CMYA5: variants seen among roughly 807,000 people sequenced by gnomAD.
CMYA5 encodes the protein cardiomyopathy associated 5, also known as cardiomyopathy-associated protein 5.
CMYA5 carries 246 observed loss-of-function variants against 318.9 expected under a neutral mutation model. That is an observed-to-expected ratio of 0.77 (90% CI 0.70 to 0.86). CMYA5 has a LOEUF of 0.86. Ranked by LOEUF, CMYA5 falls within the 40% of genes least tolerant of loss-of-function variation. The pLI is 0.00. For missense variants in CMYA5, 4,589 were observed against 4,678.2 expected (o/e 0.98, Z 0.56); for synonymous variants, 1,641 against 1,729.5 (o/e 0.95, Z 1.27).
Position 79,738,504 on chromosome 5 carries a change from A to C in CMYA5, c.9739A>C (p.Ile3247Leu). The C allele has an allele frequency of 6.2e-7, 1 of 1,613,470 alleles. No individual in the cohort carries two copies. Among genetic ancestry groups the C allele is most frequent in the African/African-American group, 1.3e-5 (1 of 75,042 alleles). ...TGAGAAGTACATACTCAAAGATGAC[A>C]TTCTCCATGACACATCTCTAACTCA... ...YFEKYILKDD[I>L]LHDTSLTQKD... The change falls in exon 2 of 13, where the codon ATT becomes CTT. Residue 3247 changes from isoleucine (I) to leucine (L), a missense_variant. Coordinates refer to ENST00000446378, the MANE Select transcript of CMYA5 (RefSeq NM_153610.5).
intron 10 of CMYA5, 100 bp downstream of exon 10, chr5:79,789,204 C>A: frequency 3.0e-6 from 4 of 1,353,104 alleles, no homozygotes; most frequent in Non-Finnish European, 4.0e-6. Context: ...AAACTCCCAA[C>A]CTACTGTCAG....
intron 1 of CMYA5, among the ~76,000 whole-genome samples, chr5:79,712,275 G>A (rs372711242): frequency 2.1e-4 from 32 of 152,202 alleles, no homozygotes; most frequent in Non-Finnish European, 3.5e-4. Context: ...AGTGTGGTGC[G>A]TGATCTCGGC....
chr5:79,691,992 C>T (rs1826978070), intron 1 of CMYA5, among the ~76,000 whole-genome samples: 1 of 152,186 alleles, frequency 6.6e-6, no homozygotes, highest in Non-Finnish European at 1.5e-5. Flanking sequence ...AAGTTATTCT[C>T]TTAAGACTTG....
rs111395170 is a variant in CMYA5, at chr5:79,712,316, C to A, written c.150-16599C>A. ...GCAACCTTAGTCTCCCAGATTCAAG[C>A]GATTCTTCTGCCTCAGCCTCCCAAG... On this transcript the variant is annotated intron_variant, in intron 1 of 12. Transcript: ENST00000446378. Among the ~76,000 whole-genome samples the A allele has an allele frequency of 2.0e-5, 3 of 152,164 alleles. No homozygotes were observed. In the South Asian group the frequency reaches 6.2e-4, roughly 32 times the overall value.
At chr5:79,787,375 A>G (rs879798076) in intron 9 of CMYA5, among the ~76,000 whole-genome samples, 1 of 152,256 alleles carries the variant, frequency 6.6e-6, no homozygotes, top group Non-Finnish European at 1.5e-5. Context: ...GTTACTAATT[A>G]TAATTAATGT....
intron 1 of CMYA5, among the ~76,000 whole-genome samples, chr5:79,720,782 A>G (rs183577533): frequency 8.8e-4 from 134 of 152,278 alleles, no homozygotes; most frequent in African/African-American, 3.1e-3. Context: ...AAGAATGAAA[A>G]TGTAAAAAGA....
At chr5:79,798,960 A>C (rs1176890651) in intron 12 of CMYA5, among the ~76,000 whole-genome samples, 1 of 152,252 alleles carries the variant, frequency 6.6e-6, no homozygotes, top group East Asian at 1.9e-4. Context: ...CTGTAAAATT[A>C]ATACATTGTA....
At chr5:79,696,241 C>T (rs916394135) in intron 1 of CMYA5, among the ~76,000 whole-genome samples, 5 of 152,214 alleles carry the variant, frequency 3.3e-5, no homozygotes, top group Non-Finnish European at 7.3e-5. Flanking sequence ...TGTCTGCAGT[C>T]ATCAGTGCCG....
intron 9 of CMYA5, among the ~76,000 whole-genome samples, chr5:79,770,676 T>G (rs1453909511): frequency 6.6e-6 from 1 of 152,098 alleles, no homozygotes; most frequent in Non-Finnish European, 1.5e-5. Flanking sequence ...CCTTCTACAT[T>G]GATCTCGCTG....
At chr5:79,723,455 A>AG (rs1284383193) in intron 1 of CMYA5, among the ~76,000 whole-genome samples, 4 of 150,600 alleles carry the variant, frequency 2.7e-5, no homozygotes, top group Admixed American at 2.0e-4. Flanking sequence ...AAAAAAAAAA[A>AG]AAAAGAAAAG....
rs755319582 is a variant in CMYA5, at chr5:79,731,953, A to G, written c.3188A>G (p.Lys1063Arg). Reference protein sequence around the residue: ...PVSEQFSSSQKQKAETFPLMS... With the variant: ...PVSEQFSSSQRQKAETFPLMS... ...TCTGAGCAGTTCAGTTCATCACAGA[A>G]GCAAAAAGCTGAAACTTTCCCTTTG... The change falls in exon 2 of 13, where the codon AAG becomes AGG. Residue 1063 changes from lysine (K) to arginine (R), a missense_variant. This residue lies in a region of CMYA5 where 2,132 missense variants were observed against 2,131.3 expected (regional missense o/e 1.00). Transcript: ENST00000446378. 9 of 1,613,274 alleles carry G rather than the reference A, an allele frequency of 5.6e-6. No homozygotes were observed. The Admixed American group carries it at 1.5e-4, about 27-fold the overall frequency.
At chr5:79,788,633 T>A (rs1477822320) in intron 9 of CMYA5, among the ~76,000 whole-genome samples, 1 of 152,170 alleles carries the variant, frequency 6.6e-6, no homozygotes, top group Non-Finnish European at 1.5e-5. Flanking sequence ...ATCATCTTAA[T>A]CCAAAAGTGC....
At chr5:79,758,637 C>CT (rs1828580894) in intron 6 of CMYA5, 116 bp from the exon 7 acceptor site, 5 of 724,154 alleles carry the variant, frequency 6.9e-6, no homozygotes, top group Non-Finnish European at 9.9e-6. Flanking sequence ...AGCCCTTCTA[C>CT]TTTTATACTA....
chr5:79,757,528 T>C (rs896948587), intron 6 of CMYA5, among the ~76,000 whole-genome samples: 1 of 152,202 alleles, frequency 6.6e-6, no homozygotes, highest in African/African-American at 2.4e-5. Context: ...ATTAAAAAAA[T>C]TGATAGGGCT....
intron 9 of CMYA5, among the ~76,000 whole-genome samples, chr5:79,777,389 A>G (rs4621545): frequency 0.084 from 12,827 of 152,144 alleles, 1,285 homozygotes; most frequent in African/African-American, 0.24. Context: ...GTAGCATACT[A>G]TATATGTTTC....
rs1342845856 is a variant in CMYA5 at position 79,800,050 on chromosome 5, A to G, written c.*434A>G. 1 of 157,462 alleles carries G rather than the reference A, an allele frequency of 6.4e-6. No homozygotes were observed. Among genetic ancestry groups the G allele is most frequent in the African/African-American group, 2.4e-5 (1 of 41,508 alleles). The allele number at this position is 157,462 out of a possible 1,614,324, so 9.8% of individuals were successfully genotyped here. On this transcript the variant is annotated 3_prime_UTR_variant, in exon 13 of 13. Transcript: ENST00000446378. ...TGTCACCTCGCTGCACTAAAGGATG[A>G]TGAATCCTAATCATTAAAGGAATTG...
In CMYA5 at chr5:79,762,861, C is replaced by T. The variant is rs750037604; in HGVS notation, c.11408-201C>T. 59 of 575,706 alleles carry T rather than the reference C, an allele frequency of 1.0e-4. 1 individual carries two copies. Among genetic ancestry groups the T allele is most frequent in the Admixed American group, 3.0e-4 (9 of 30,028 alleles). The allele number at this position is 575,706 out of a possible 1,614,324, so 35.7% of individuals were successfully genotyped here. A position where few individuals can be genotyped will look rare whatever the true frequency, so the allele number is the denominator to read the frequency against. ...GGGGCTGTTTGGGGATGGGTGAGAA[C>T]TGGGCAATGTGGAAGGCAGAGAAGG... is the stretch of plus-strand genomic sequence containing the variant. On this transcript the variant is annotated intron_variant, in intron 8 of 12. Transcript: ENST00000446378.
At position 79,731,216 on chromosome 5, in the gene CMYA5, T is replaced by A; in HGVS notation, c.2451T>A (p.Asn817Lys). 1 of 1,613,986 alleles carries A rather than the reference T, an allele frequency of 6.2e-7. No homozygotes were observed. The change falls in exon 2 of 13, where the codon AAT (asparagine) becomes AAA (lysine). Residue 817 changes from asparagine to lysine, a missense_variant. Asn to Lys is a moderately conservative substitution (Grantham distance 94). Coordinates refer to ENST00000446378, the MANE Select transcript of CMYA5 (RefSeq NM_153610.5). ...ATQESQKKII[N>K]EASQFKPKGI... ...AGGAATCTCAAAAGAAAATAATCAA[T>A]GAGGCATCCCAATTCAAACCAAAAG... is the stretch of plus-strand genomic sequence containing the variant.
intron 4 of CMYA5, 111 bp from the exon 5 acceptor site, chr5:79,746,980 A>G (rs1406188494): frequency 2.9e-6 from 2 of 694,718 alleles, no homozygotes; most frequent in African/African-American, 1.8e-5. Flanking sequence ...AACGTGGGTA[A>G]TCTTAATGCT....
Sources: allele counts gnomAD v4.1 joint callset (sites outside exome capture counted in the v4.1 genomes callset), GRCh38; gene constraint gnomAD v4.1.1; regional missense constraint gnomAD v4.1.1; transcripts MANE v1.5; gene names NCBI Gene and HGNC (gene_info 2026-07-23, HGNC 2026-07-21).